ENPP6: variants seen among roughly 807,000 people sequenced by gnomAD.
ENPP6 encodes ectonucleotide pyrophosphatase/phosphodiesterase 6.
A neutral mutation model predicts 42.0 loss-of-function variants in ENPP6; 32 were observed. The ratio of observed to expected loss-of-function variants is 0.76; its 90% CI spans 0.58 to 1.02. The LOEUF is 1.02. Ranked by LOEUF, ENPP6 falls within the 50% of genes least tolerant of loss-of-function variation. ENPP6 has a pLI of 0.00. For missense variants in ENPP6, 552 were observed against 566.8 expected (o/e 0.97, Z 0.27); for synonymous variants, 213 against 216.0 (o/e 0.99, Z 0.12).
chr4:184,159,450 T>C (rs1484484800), intron 1 of ENPP6, among the ~76,000 whole-genome samples: 2 of 152,150 alleles, frequency 1.3e-5, no homozygotes, highest in African/African-American at 4.8e-5. Context: ...AAAGAAGTGA[T>C]GTGATTGACC....
At chr4:184,113,935 CTTT>C (rs1736265526) in intron 5 of ENPP6, among the ~76,000 whole-genome samples, 2 of 140,264 alleles carry the variant, frequency 1.4e-5, no homozygotes, top group Non-Finnish European at 3.1e-5. Flanking sequence ...TTCTTTCTTT[CTTT>C]CTTTCTTTCT....
chr4:184,133,161 T>TCACACACACA (rs66979248), intron 2 of ENPP6, among the ~76,000 whole-genome samples: 48 of 139,940 alleles, frequency 3.4e-4, no homozygotes, highest in African/African-American at 1.2e-3. Context: ...ACCTGTCAAT[T>TCACACACACA]CACACACACA....
In ENPP6 at chr4:184,129,209, T is replaced by C. The variant is rs371538761; in HGVS notation, c.422-4937A>G. On this transcript the variant is annotated intron_variant, in intron 2 of 7. Coordinates refer to ENST00000296741, the MANE Select transcript of ENPP6 (RefSeq NM_153343.4). ...GAAATCAGGAGGCATGTAAGCGTTC[T>C]TCTATTGGAAAGTTTTGAAAACTTT... Among the ~76,000 whole-genome samples, 14 of 152,178 alleles carry C rather than the reference T, an allele frequency of 9.2e-5. 1 individual carries two copies. Among genetic ancestry groups the C allele is most frequent in the African/African-American group, 3.4e-4 (14 of 41,490 alleles).
At chr4:184,126,927 C>T (rs887879170) in intron 2 of ENPP6, among the ~76,000 whole-genome samples, 4 of 152,124 alleles carry the variant, frequency 2.6e-5, no homozygotes, top group Admixed American at 2.6e-4. Context: ...TGTTCTTTCT[C>T]ACACAATGTC....
At chr4:184,156,232 C>T (rs765594301) in intron 1 of ENPP6, among the ~76,000 whole-genome samples, 4 of 152,240 alleles carry the variant, frequency 2.6e-5, no homozygotes, top group South Asian at 2.1e-4. Context: ...CAGCCTTTCC[C>T]GGAAGCTGGC....
At chr4:184,107,402 A>G (rs891115111) in intron 6 of ENPP6, among the ~76,000 whole-genome samples, 2 of 152,224 alleles carry the variant, frequency 1.3e-5, no homozygotes, top group African/African-American at 4.8e-5. Context: ...GAGGCTGGAG[A>G]AAGGACTGAC....
intron 2 of ENPP6, among the ~76,000 whole-genome samples, chr4:184,124,856 C>T (rs1326878109): frequency 6.6e-6 from 1 of 152,194 alleles, no homozygotes; most frequent in African/African-American, 2.4e-5. Context: ...GTGAAAGAAT[C>T]AAACTCATTC....
At chr4:184,146,270 A>G (rs994833607) in intron 2 of ENPP6, among the ~76,000 whole-genome samples, 4 of 151,912 alleles carry the variant, frequency 2.6e-5, no homozygotes, top group African/African-American at 9.7e-5. Flanking sequence ...GTCTTTACTA[A>G]AAATAGAAAA....
At chr4:184,148,714 C>T (rs1041089318) in intron 2 of ENPP6, among the ~76,000 whole-genome samples, 1 of 152,222 alleles carries the variant, frequency 6.6e-6, no homozygotes, top group Non-Finnish European at 1.5e-5. Flanking sequence ...TGACCCAAGC[C>T]TGCCCTTGCC....
At chr4:184,160,722 G>A (rs966616693) in intron 1 of ENPP6, among the ~76,000 whole-genome samples, 15 of 152,086 alleles carry the variant, frequency 9.9e-5, no homozygotes, top group African/African-American at 9.7e-5. Flanking sequence ...TGAGCTCTCC[G>A]TATGACTGGT....
Position 184,153,635 on chromosome 4 carries a change from G to C in ENPP6, c.340C>G (p.Pro114Ala). The C allele has an allele frequency of 6.2e-7, 1 of 1,614,202 alleles. No individual in the cohort carries two copies. The highest frequency in any genetic ancestry group is 8.5e-7 in the Non-Finnish European group (1 of 1,180,042). ...GGTTCTGATCCATTCCACCAGAGAGGCATTAGGCTGTCTTTGTTGACGCCA... is the reference window on the plus strand; with the variant it reads ...GGTTCTGATCCATTCCACCAGAGAGCCATTAGGCTGTCTTTGTTGACGCCA... ...DIGVNKDSLM[P>A]LWWNGSEPLW... Residue 114 changes from proline (P) to alanine (A), a missense_variant, in exon 2 of 8, where the codon CCT becomes GCT. By Grantham distance (27) the Pro-to-Ala change is conservative. Around this residue, in one of 2 missense-constraint regions of ENPP6, gnomAD observed 545 missense variants for 546.3 expected, o/e 1.00. Transcript: ENST00000296741.
intron 6 of ENPP6, among the ~76,000 whole-genome samples, chr4:184,102,896 C>T (rs376301296): frequency 6.6e-6 from 1 of 152,242 alleles, no homozygotes; most frequent in East Asian, 1.9e-4. Context: ...TCTTAATGTC[C>T]CCCAGGTGGT....
intron 2 of ENPP6, among the ~76,000 whole-genome samples, chr4:184,144,519 C>T (rs377593011): frequency 6.6e-6 from 1 of 152,206 alleles, no homozygotes; most frequent in Non-Finnish European, 1.5e-5. Flanking sequence ...GGCAGCCTTT[C>T]CCCTGGGGTT....
At chr4:184,131,157 C>CTTTCTTTCTT (rs1736607946) in intron 2 of ENPP6, among the ~76,000 whole-genome samples, 1 of 51,486 alleles carries the variant, frequency 1.9e-5, no homozygotes, top group Admixed American at 1.6e-4. Context: ...TTCTTTCTTT[C>CTTTCTTTCTT]TTTCTTTCTT....
chr4:184,113,198 A>T (rs1042018544), intron 5 of ENPP6, among the ~76,000 whole-genome samples: 1 of 152,230 alleles, frequency 6.6e-6, no homozygotes, highest in Non-Finnish European at 1.5e-5. Context: ...ACTGAAGATG[A>T]ATGAATTATA....
intron 1 of ENPP6, among the ~76,000 whole-genome samples, chr4:184,216,128 G>A (rs1239245142): frequency 6.6e-6 from 1 of 152,220 alleles, no homozygotes; most frequent in Non-Finnish European, 1.5e-5. Flanking sequence ...CAGCTGGAGT[G>A]GGGGTGGGCT....
intron 1 of ENPP6, among the ~76,000 whole-genome samples, chr4:184,182,855 T>TG (rs1732574116): frequency 6.6e-6 from 1 of 152,068 alleles, no homozygotes; most frequent in Non-Finnish European, 1.5e-5. Context: ...TGGGGCCTGT[T>TG]GGGGAATGTA....
In ENPP6 at chr4:184,143,762, C is replaced by T. The variant is rs547868712; in HGVS notation, c.421+9792G>A. Among the ~76,000 whole-genome samples the T allele has an allele frequency of 6.6e-5, 10 of 152,298 alleles. No homozygotes were observed. The East Asian group carries it at 9.6e-4, about 15-fold the overall frequency. ...GCAGAGAGAGGCTAAGGGATTTCTG[C>T]GCGCCTCGCAGTGAGTGAGTGGCTG... is the stretch of plus-strand genomic sequence containing the variant. On this transcript the variant is annotated intron_variant, in intron 2 of 7. Coordinates refer to ENST00000296741, the MANE Select transcript of ENPP6 (RefSeq NM_153343.4).
chr4:184,210,247 A>G (rs1174278905), intron 1 of ENPP6, among the ~76,000 whole-genome samples: 2 of 149,318 alleles, frequency 1.3e-5, no homozygotes, highest in Non-Finnish European at 3.0e-5. Context: ...TATTAACTTT[A>G]AATGTAAATG....
Sources: allele counts gnomAD v4.1 joint callset (sites outside exome capture counted in the v4.1 genomes callset), GRCh38; gene constraint gnomAD v4.1.1; regional missense constraint gnomAD v4.1.1; transcripts MANE v1.5; gene names NCBI Gene and HGNC (gene_info 2026-07-23, HGNC 2026-07-21).